The following SDK1 variants were observed in gnomAD, a reference collection of about 807,000 sequenced individuals.
SDK1 encodes the protein sidekick cell adhesion molecule 1, also known as protein sidekick-1.
In SDK1, 157 loss-of-function variants were observed where a neutral mutation model predicts 245.5. The observed-to-expected ratio is 0.64, with a 90% CI of 0.56 to 0.73. SDK1 has a LOEUF of 0.73. Ranked by LOEUF, SDK1 falls within the 30% of genes least tolerant of loss-of-function variation. The pLI, the probability that SDK1 is intolerant of heterozygous loss-of-function variation, is 0.00. For missense variants in SDK1, 3,583 were observed against 3,002.3 expected (o/e 1.19, Z -4.52); for synonymous variants, 1,647 against 1,278.5 (o/e 1.29, Z -6.15).
At chr7:3,865,571 T>G (rs1780801042) in intron 5 of SDK1, among the ~76,000 whole-genome samples, 1 of 152,138 alleles carries the variant, frequency 6.6e-6, no homozygotes, top group Non-Finnish European at 1.5e-5. Context: ...TGCAGTGGTG[T>G]AATCACAGCT....
intron 14 of SDK1, among the ~76,000 whole-genome samples, chr7:4,010,541 A>G (rs1785862978): frequency 1.3e-5 from 2 of 152,150 alleles, no homozygotes; most frequent in Admixed American, 1.3e-4. Flanking sequence ...TTCCTCTTTT[A>G]TTAAAATGTT....
chr7:3,564,906 A>C (rs1210239153), intron 1 of SDK1, among the ~76,000 whole-genome samples: 1 of 152,044 alleles, frequency 6.6e-6, no homozygotes, highest in Non-Finnish European at 1.5e-5. Flanking sequence ...TAAAAGAGTG[A>C]AGGCAAAAAT....
chr7:3,888,773 G>A (rs1781392653), intron 5 of SDK1, among the ~76,000 whole-genome samples: 2 of 152,208 alleles, frequency 1.3e-5, no homozygotes, highest in South Asian at 2.1e-4. Flanking sequence ...ATTGTGAGAA[G>A]CCAATGCACA....
At chr7:4,108,185 C>T (rs1187678555) in intron 22 of SDK1, among the ~76,000 whole-genome samples, 1 of 152,124 alleles carries the variant, frequency 6.6e-6, no homozygotes, top group African/African-American at 2.4e-5. Flanking sequence ...GGGTCCTTTC[C>T]CTCTTCACAG....
chr7:3,370,259 G>A (rs1051676870), intron 1 of SDK1, among the ~76,000 whole-genome samples: 5 of 152,162 alleles, frequency 3.3e-5, no homozygotes, highest in African/African-American at 9.7e-5. Context: ...GACAAGTGGT[G>A]TTTTTCAGAC....
chr7:3,990,354 G>C (rs1337286596), intron 14 of SDK1, among the ~76,000 whole-genome samples: 1 of 152,222 alleles, frequency 6.6e-6, no homozygotes. Context: ...CTCCCACTCG[G>C]GCCTCTTTCC....
intron 5 of SDK1, among the ~76,000 whole-genome samples, chr7:3,825,782 A>C (rs1021313517): frequency 6.6e-6 from 1 of 152,206 alleles, no homozygotes; most frequent in Admixed American, 6.5e-5. Flanking sequence ...GCCCAGGTAC[A>C]ACTCTCTCCT....
intron 1 of SDK1, among the ~76,000 whole-genome samples, chr7:3,377,420 C>T (rs944117751): frequency 3.9e-5 from 6 of 152,166 alleles, no homozygotes; most frequent in Non-Finnish European, 1.5e-5. Context: ...ACTGCAGGCT[C>T]TGGAATGTGG....
At chr7:3,867,346 A>G (rs1386536649) in intron 5 of SDK1, among the ~76,000 whole-genome samples, 2 of 152,232 alleles carry the variant, frequency 1.3e-5, no homozygotes, top group Non-Finnish European at 2.9e-5. Context: ...GTGTGAAGGT[A>G]TATAAAAATG....
intron 5 of SDK1, among the ~76,000 whole-genome samples, chr7:3,900,569 C>T (rs1781753028): frequency 6.6e-6 from 1 of 152,176 alleles, no homozygotes; most frequent in Admixed American, 6.5e-5. Context: ...CACTGGAAGG[C>T]TGGAAATAGC....
At chr7:4,195,908 A>G (rs78983093) in intron 35 of SDK1, among the ~76,000 whole-genome samples, 10,871 of 152,030 alleles carry the variant, frequency 0.072, 721 homozygotes, top group African/African-American at 0.17. Context: ...CCCAAAATCC[A>G]TGACAGAAAC....
intron 5 of SDK1, among the ~76,000 whole-genome samples, chr7:3,909,049 G>A (rs2128108013): frequency 6.6e-6 from 1 of 152,292 alleles, no homozygotes; most frequent in South Asian, 2.1e-4. Context: ...AGCCCCTCTG[G>A]CTGTGCCTTT....
intron 4 of SDK1, among the ~76,000 whole-genome samples, chr7:3,680,978 G>T (rs1261553653): frequency 6.6e-6 from 1 of 152,114 alleles, no homozygotes; most frequent in South Asian, 2.1e-4. Flanking sequence ...GAGTAGCTGG[G>T]ACTACAGGTG....
At chr7:4,058,829 T>A (rs1020950745) in intron 19 of SDK1, among the ~76,000 whole-genome samples, 1 of 152,228 alleles carries the variant, frequency 6.6e-6, no homozygotes, top group Admixed American at 6.5e-5. Context: ...TCCACTGGAC[T>A]GGCCCTACAA....
chr7:3,811,965 G>T (rs567051012), intron 4 of SDK1, among the ~76,000 whole-genome samples: 2 of 152,148 alleles, frequency 1.3e-5, no homozygotes, highest in South Asian at 4.1e-4. Context: ...CCTGTGTGGC[G>T]TATCTACTTT....
At chr7:4,149,895 G>A (rs1330509800) in intron 30 of SDK1, among the ~76,000 whole-genome samples, 1 of 152,158 alleles carries the variant, frequency 6.6e-6, no homozygotes, top group African/African-American at 2.4e-5. Flanking sequence ...AAAGCAGCAG[G>A]GAGATGGATG....
At chr7:3,699,593 A>G (rs1784682164) in intron 4 of SDK1, among the ~76,000 whole-genome samples, 1 of 152,194 alleles carries the variant, frequency 6.6e-6, no homozygotes, top group South Asian at 2.1e-4. Context: ...GATCTGAACA[A>G]CAGAGAAAAC....
At chr7:3,932,828 A>G (rs1196653905) in intron 5 of SDK1, among the ~76,000 whole-genome samples, 2 of 152,204 alleles carry the variant, frequency 1.3e-5, no homozygotes, top group Admixed American at 1.3e-4. Flanking sequence ...TGTGTACACA[A>G]AAGAGAGGGA....
intron 41 of SDK1, 36 bp from the exon 42 acceptor site, chr7:4,237,611 G>A (rs1375372343): frequency 3.1e-6 from 5 of 1,613,756 alleles, no homozygotes; most frequent in South Asian, 1.1e-5. Context: ...TGGAGCGTCT[G>A]CCCCATGTCA....
Sources: allele counts gnomAD v4.1 joint callset (sites outside exome capture counted in the v4.1 genomes callset), GRCh38; gene constraint gnomAD v4.1.1; transcripts MANE v1.5; gene names NCBI Gene and HGNC (gene_info 2026-07-23, HGNC 2026-07-21).